The following UNC5D variants were observed in gnomAD, a reference collection of about 807,000 sequenced individuals.
UNC5D encodes the protein netrin receptor UNC5D.
Under a neutral mutation model 105.4 loss-of-function variants are expected in UNC5D, and 39 were observed. That is an observed-to-expected ratio of 0.37 (90% CI 0.29 to 0.48). UNC5D has a LOEUF of 0.48. Among genes scored for constraint, UNC5D ranks in the 20% least tolerant of loss-of-function variants. The pLI, the probability that UNC5D is intolerant of heterozygous loss-of-function variation, is 0.98. For missense variants in UNC5D, 991 were observed against 1,202.4 expected, an observed-to-expected ratio of 0.82 and a Z score of 2.60; for synonymous variants, 452 against 450.4, an observed-to-expected ratio of 1.00 and a Z score of -0.04.
At chr8:35,349,382 A>G (rs1227522862) in intron 1 of UNC5D, among the ~76,000 whole-genome samples, 1 of 152,002 alleles carries the variant, frequency 6.6e-6, no homozygotes, top group Non-Finnish European at 1.5e-5. Context: ...TGAGTTATTT[A>G]TATCTTCTGA....
intron 10 of UNC5D, 78 bp downstream of exon 10, chr8:35,726,607 C>A: frequency 6.4e-7 from 1 of 1,551,266 alleles, no homozygotes; most frequent in South Asian, 1.2e-5. Flanking sequence ...CCATCAGATT[C>A]ATTTTATGAT....
chr8:35,595,348 A>G (rs1430152004), intron 3 of UNC5D, among the ~76,000 whole-genome samples: 1 of 152,178 alleles, frequency 6.6e-6, no homozygotes, highest in Non-Finnish European at 1.5e-5. Flanking sequence ...AGGACATCAG[A>G]AACTGTTTTG....
chr8:35,694,628 A>G (rs1047254373), intron 7 of UNC5D, among the ~76,000 whole-genome samples: 5 of 152,204 alleles, frequency 3.3e-5, no homozygotes, highest in Non-Finnish European at 4.4e-5. Context: ...GTGAGAAGAT[A>G]AACTAATCTG....
chr8:35,658,909 C>A (rs1771562123), intron 4 of UNC5D, among the ~76,000 whole-genome samples: 1 of 152,100 alleles, frequency 6.6e-6, no homozygotes, highest in African/African-American at 2.4e-5. Flanking sequence ...CCGGCCTCGG[C>A]CTTCCAAAGC....
At chr8:35,452,623 T>C (rs918553585) in intron 1 of UNC5D, among the ~76,000 whole-genome samples, 2 of 152,182 alleles carry the variant, frequency 1.3e-5, no homozygotes, top group Non-Finnish European at 2.9e-5. Flanking sequence ...GTATCCTAGT[T>C]ACACCCCAAA....
chr8:35,781,332 T>A (rs1023423810), intron 16 of UNC5D, among the ~76,000 whole-genome samples: 1 of 152,168 alleles, frequency 6.6e-6, no homozygotes, highest in Non-Finnish European at 1.5e-5. Flanking sequence ...AAAGGCAATA[T>A]GGAAAATAAG....
intron 7 of UNC5D, among the ~76,000 whole-genome samples, chr8:35,694,729 T>C (rs1826638337): frequency 6.6e-6 from 1 of 152,070 alleles, no homozygotes. Context: ...TGTTTTGTTT[T>C]GTTTGAGACA....
At chr8:35,482,957 C>A (rs968185903) in intron 1 of UNC5D, among the ~76,000 whole-genome samples, 5 of 151,692 alleles carry the variant, frequency 3.3e-5, no homozygotes, top group African/African-American at 1.2e-4. Context: ...CGCCTGCCAC[C>A]ACGCCCGGCT....
At position 35,561,272 on chromosome 8, in the gene UNC5D, G is replaced by T. The variant is rs1034097049; in HGVS notation, c.323-6826G>T. 3.9e-5 allele frequency among the ~76,000 whole-genome samples: 6 copies of T among 152,150 alleles called. No homozygotes were observed. In the East Asian group the frequency reaches 1.2e-3, roughly 29 times the overall value. ...ACCAGACAACTCGGGTACCAACAAC[G>T]CCACAGAGCCCACTGACATTATGCA... On this transcript the variant is annotated intron_variant, in intron 2 of 16. Transcript: ENST00000404895.
At chr8:35,413,837 T>A (rs1805358709) in intron 1 of UNC5D, among the ~76,000 whole-genome samples, 1 of 152,144 alleles carries the variant, frequency 6.6e-6, no homozygotes, top group Admixed American at 6.6e-5. Flanking sequence ...AAAGGGTTGT[T>A]AGTTTTTCTA....
At chr8:35,454,758 T>G (rs1808375691) in intron 1 of UNC5D, among the ~76,000 whole-genome samples, 3 of 152,158 alleles carry the variant, frequency 2.0e-5, no homozygotes, top group African/African-American at 7.2e-5. Flanking sequence ...CCAATGAAAT[T>G]TGTATGCCTT....
chr8:35,264,969 C>T (rs1804756680), intron 1 of UNC5D, among the ~76,000 whole-genome samples: 1 of 152,082 alleles, frequency 6.6e-6, no homozygotes, highest in Non-Finnish European at 1.5e-5. Flanking sequence ...TTCCTGCAAA[C>T]AAGTAGTACA....
At chr8:35,551,993 T>C (rs1816187207) in intron 2 of UNC5D, among the ~76,000 whole-genome samples, 1 of 152,118 alleles carries the variant, frequency 6.6e-6, no homozygotes, top group Non-Finnish European at 1.5e-5. Context: ...TGCTAATCAT[T>C]ACACAGTTCT....
intron 1 of UNC5D, among the ~76,000 whole-genome samples, chr8:35,357,649 A>G (rs1471095562): frequency 6.6e-6 from 1 of 152,194 alleles, no homozygotes; most frequent in African/African-American, 2.4e-5. Flanking sequence ...TTGAGGGAGT[A>G]GAAACTTGAG....
At chr8:35,609,580 C>T (rs762354094) in intron 4 of UNC5D, among the ~76,000 whole-genome samples, 4 of 152,088 alleles carry the variant, frequency 2.6e-5, no homozygotes, top group Admixed American at 6.6e-5. Context: ...GTCAGGTCAC[C>T]GAGTATGTAT....
intron 1 of UNC5D, among the ~76,000 whole-genome samples, chr8:35,347,173 C>T (rs956305160): frequency 1.1e-4 from 16 of 151,960 alleles, no homozygotes; most frequent in African/African-American, 2.9e-4. Context: ...CATTGATTGA[C>T]GAGTTAGAAT....
intron 1 of UNC5D, among the ~76,000 whole-genome samples, chr8:35,344,947 G>A (rs545653895): frequency 1.3e-5 from 2 of 151,946 alleles, no homozygotes; most frequent in South Asian, 2.1e-4. Context: ...GGGTTTGTGC[G>A]CTTGTATATA....
chr8:35,569,063 A>T (rs1817553535), intron 3 of UNC5D, among the ~76,000 whole-genome samples: 1 of 152,166 alleles, frequency 6.6e-6, no homozygotes, highest in Admixed American at 6.5e-5. Flanking sequence ...AAAAAAAAAA[A>T]AAAAAATACA....
At chr8:35,371,865 T>A (rs1001884014) in intron 1 of UNC5D, among the ~76,000 whole-genome samples, 7 of 152,122 alleles carry the variant, frequency 4.6e-5, no homozygotes, top group Admixed American at 3.9e-4. Context: ...TAATCCTTCC[T>A]CTTAATTAGG....
Sources: gnomAD v4.1 joint callset for allele counts (sites outside exome capture counted in the v4.1 genomes callset) on GRCh38, gnomAD v4.1.1 for gene constraint, MANE v1.5 for transcripts, NCBI Gene and HGNC (gene_info 2026-07-23, HGNC 2026-07-21) for gene names.